Variants in ZNF799 observed in about 807,000 individuals in gnomAD.
The protein encoded by ZNF799 is zinc finger protein 799.
In ZNF799, 28 loss-of-function variants were observed where a neutral mutation model predicts 41.0. That is an observed-to-expected ratio of 0.68 (90% CI 0.51 to 0.94). The LOEUF is 0.94. ZNF799 is among the 40% of genes least tolerant of loss of function. The pLI is 0.00. For missense variants in ZNF799, 716 were observed against 764.3 expected, an observed-to-expected ratio of 0.94 and a Z score of 0.74; for synonymous variants, 213 against 252.9, an observed-to-expected ratio of 0.84 and a Z score of 1.50.
At chr19:12,410,438 C>T in the ZNF799 span, among the ~76,000 whole-genome samples, 9 of 151,514 alleles carry the variant, frequency 5.9e-5, no homozygotes, top group African/African-American at 1.7e-4. Context: ...CCAGCCTTAG[C>T]GAAATGTTTG....
the ZNF799 span, among the ~76,000 whole-genome samples, chr19:12,412,720 G>A: frequency 6.6e-5 from 10 of 151,952 alleles, no homozygotes; most frequent in East Asian, 1.5e-3. Context: ...TCTGATCCAC[G>A]GCCCACATCC....
At position 12,390,931 on chromosome 19, in the gene ZNF799, T is replaced by C. The variant is rs767687716; in HGVS notation, c.1467A>G (p.Gln489=). 2 of 1,613,042 alleles carry C rather than the reference T, an allele frequency of 1.2e-6. No homozygotes were observed. The highest frequency in any genetic ancestry group is 1.7e-5 in the Admixed American group (1 of 59,936). The change falls in exon 4 of 4, where the codon CAA becomes CAG. Residue 489 remains glutamine, a synonymous_variant. Coordinates refer to ENST00000430385, the MANE Select transcript of ZNF799 (RefSeq NM_001080821.3). ...KECGKAFSCF[Q]YLSQHRRTHT... Reference sequence around the variant, plus strand: ...GAGTCCTTCTATGTTGAGAAAGGTATTGGAAACAACTGAATGCTTTCCCAC... The same window carrying C: ...GAGTCCTTCTATGTTGAGAAAGGTACTGGAAACAACTGAATGCTTTCCCAC...
At chr19:12,397,699 C>G (rs531479335) in intron 1 of ZNF799, among the ~76,000 whole-genome samples, 3 of 148,784 alleles carry the variant, frequency 2.0e-5, no homozygotes, top group Admixed American at 6.7e-5. Flanking sequence ...TGAAAAAAAC[C>G]GACAAGTATA....
At position 12,390,451 on chromosome 19, in the gene ZNF799, C is replaced by T. The variant is rs1372841878; in HGVS notation, c.*15G>A. 3 of 1,612,258 alleles carry T rather than the reference C, an allele frequency of 1.9e-6. No individual in the cohort carries two copies. The highest frequency in any genetic ancestry group is 2.5e-6 in the Non-Finnish European group (3 of 1,179,366). ...AATAAATGCTTTCCCACATTCCATA[C>T]ATTTAGAGAGAATGCTAGTGAGTCT... On this transcript the variant is annotated 3_prime_UTR_variant, in exon 4 of 4. Coordinates refer to ENST00000430385, the MANE Select transcript of ZNF799 (RefSeq NM_001080821.3).
the ZNF799 span, among the ~76,000 whole-genome samples, chr19:12,410,297 A>ATC: frequency 8.1e-6 from 1 of 123,094 alleles, no homozygotes; most frequent in African/African-American, 2.9e-5. Flanking sequence ...ATATATATAT[A>ATC]TCTTAGCCAA....
chr19:12,400,125 G>T (rs769680904), intron 1 of ZNF799, among the ~76,000 whole-genome samples: 1 of 152,318 alleles, frequency 6.6e-6, no homozygotes, highest in African/African-American at 2.4e-5. Context: ...GCCCTAGGAG[G>T]AGTCAGGATG....
In ZNF799 at chr19:12,390,455, T is replaced by G. The variant is rs1568499945; in HGVS notation, c.*11A>C. The G allele has an allele frequency of 1.2e-6, 2 of 1,612,092 alleles. No homozygotes were observed. Among genetic ancestry groups the G allele is most frequent in the Non-Finnish European group, 1.7e-6 (2 of 1,179,326 alleles). Reference sequence around the variant, plus strand: ...AATGCTTTCCCACATTCCATACATTTAGAGAGAATGCTAGTGAGTCTTTTT... The same window carrying G: ...AATGCTTTCCCACATTCCATACATTGAGAGAGAATGCTAGTGAGTCTTTTT... On this transcript the variant is annotated 3_prime_UTR_variant, in exon 4 of 4. Coordinates refer to ENST00000430385, the MANE Select transcript of ZNF799 (RefSeq NM_001080821.3).
chr19:12,409,200 A>G, the ZNF799 span, among the ~76,000 whole-genome samples: 13 of 73,552 alleles, frequency 1.8e-4, no homozygotes, highest in South Asian at 5.4e-3. Flanking sequence ...TAAGGAACGC[A>G]CAACCTAGAT....
At chr19:12,392,971 T>G (rs936016735) in intron 2 of ZNF799, among the ~76,000 whole-genome samples, 1 of 152,164 alleles carries the variant, frequency 6.6e-6, no homozygotes, top group Non-Finnish European at 1.5e-5. Context: ...ATACAGTTTC[T>G]CTTCCTTATG....
At chr19:12,411,456 C>G in the ZNF799 span, among the ~76,000 whole-genome samples, 1 of 152,136 alleles carries the variant, frequency 6.6e-6, no homozygotes, top group Non-Finnish European at 1.5e-5. Context: ...ATGGGAGACA[C>G]TTCAACACAA....
chr19:12,396,338 T>C (rs573717900), intron 1 of ZNF799, among the ~76,000 whole-genome samples: 3 of 152,350 alleles, frequency 2.0e-5, no homozygotes, highest in African/African-American at 4.8e-5. Flanking sequence ...GATATAGAGA[T>C]AAAATAATAT....
chr19:12,407,765 C>T, the ZNF799 span, among the ~76,000 whole-genome samples: 1 of 152,102 alleles, frequency 6.6e-6, no homozygotes, highest in Non-Finnish European at 1.5e-5. Context: ...CTCTGTTATA[C>T]AGGCACTATA....
chr19:12,408,698 A>G, the ZNF799 span, among the ~76,000 whole-genome samples: 2 of 152,244 alleles, frequency 1.3e-5, no homozygotes, highest in South Asian at 4.1e-4. Context: ...TCCTAGAGAC[A>G]TAATAATCCT....
Position 12,392,072 on chromosome 19 carries a change from C to T in ZNF799, c.326G>A (p.Gly109Glu). Residue 109 changes from glycine (G) to glutamate (E), a missense_variant, in exon 4 of 4, where the codon GGA becomes GAA. Gly to Glu is a moderately conservative substitution (Grantham distance 98, BLOSUM62 -2). Around this residue, in one of 2 missense-constraint regions of ZNF799, gnomAD observed 698 missense variants for 713.6 expected, o/e 0.98. Transcript: ENST00000430385. ...GVGPYESRMS[G>E]EVIMGHSSLN... ...GGATGAATGACCCATGATGACTTCT[C>T]CACTCATACGGCTTTCATATGGACC... The T allele has an allele frequency of 1.2e-6, 2 of 1,614,174 alleles. No homozygotes were observed. The highest frequency in any genetic ancestry group is 1.6e-4 in the Middle Eastern group (1 of 6,062).
At chr19:12,394,951 G>T in intron 1 of ZNF799, 1 of 908,776 alleles carries the variant, frequency 1.1e-6, no homozygotes, top group Non-Finnish European at 1.3e-6. Flanking sequence ...AAGTCTTGTG[G>T]AGCTTTTATT....
chr19:12,411,223 G>A, the ZNF799 span, among the ~76,000 whole-genome samples: 1 of 152,266 alleles, frequency 6.6e-6, no homozygotes, highest in African/African-American at 2.4e-5. Context: ...CTACATCTTT[G>A]AGAAATGTTT....
chr19:12,404,120 T>C (rs1970015049), upstream of ZNF799, among the ~76,000 whole-genome samples: 1 of 152,358 alleles, frequency 6.6e-6, no homozygotes, highest in South Asian at 2.1e-4. Context: ...ACAATTTAAA[T>C]TATTTCAATT....
the ZNF799 span, among the ~76,000 whole-genome samples, chr19:12,414,107 C>T: frequency 6.6e-6 from 1 of 152,116 alleles, no homozygotes; most frequent in South Asian, 2.1e-4. Flanking sequence ...GAGAAGATGC[C>T]CTGGGCTCTT....
At chr19:12,392,369 A>G (rs1394977557) in intron 3 of ZNF799, among the ~76,000 whole-genome samples, 163 bp from the exon 4 acceptor site, 8 of 152,254 alleles carry the variant, frequency 5.3e-5, no homozygotes, top group Admixed American at 5.2e-4. Flanking sequence ...AACTCGACCC[A>G]GGTGTTCTCA....
Sources: gnomAD v4.1 joint callset for allele counts (sites outside exome capture counted in the v4.1 genomes callset) on GRCh38, gnomAD v4.1.1 for gene constraint, gnomAD v4.1.1 regional missense constraint, MANE v1.5 for transcripts, NCBI Gene and HGNC (gene_info 2026-07-23, HGNC 2026-07-21) for gene names.